H2AZ1: variants seen among roughly 807,000 people sequenced by gnomAD.
H2AZ1 encodes H2A.Z variant histone 1, also known as histone H2A.Z.
In H2AZ1, 3 loss-of-function variants were observed where a neutral mutation model predicts 16.6. The ratio of observed to expected loss-of-function variants is 0.18; its 90% CI spans 0.08 to 0.47. The LOEUF (loss-of-function observed/expected upper bound fraction) is 0.47. Ranked by LOEUF, H2AZ1 falls within the 20% of genes least tolerant of loss-of-function variation. The pLI is 0.98. For missense variants in H2AZ1, 27 were observed against 163.6 expected, an observed-to-expected ratio of 0.17 and a Z score of 4.55; for synonymous variants, 78 against 60.7, an observed-to-expected ratio of 1.28 and a Z score of -1.32.
chr4:99,949,416 T>G, intron 2 of H2AZ1, 30 bp from the exon 3 acceptor site: 1 of 1,361,134 alleles, frequency 7.3e-7, no homozygotes, highest in Non-Finnish European at 1.1e-6. Flanking sequence ...CAAACATAAA[T>G]GCACAAAAAT....
chr4:99,948,631 T>A, intron 4 of H2AZ1, 108 bp from the exon 5 acceptor site: 1 of 1,520,162 alleles, frequency 6.6e-7, no homozygotes. Flanking sequence ...TTTAAAAACA[T>A]GCAGCTCAAG....
In H2AZ1 at chr4:99,948,378, G is replaced by A; in HGVS notation, c.*84C>T. On this transcript the variant is annotated 3_prime_UTR_variant, in exon 5 of 5. Transcript: ENST00000296417. ...AAAAGGCAAAATTGTGTTTTTCACAGAGATACAGTCCACTGGAATCACCAA... is the reference window on the plus strand; with the variant it reads ...AAAAGGCAAAATTGTGTTTTTCACAAAGATACAGTCCACTGGAATCACCAA... 2 of 880,752 alleles carry A rather than the reference G, an allele frequency of 2.3e-6. No individual in the cohort carries two copies. Among genetic ancestry groups the A allele is most frequent in the Non-Finnish European group, 1.9e-6 (1 of 514,712 alleles). 54.6% of individuals were successfully genotyped at this position (880,752 alleles called of 1,614,324 possible). A position where few individuals can be genotyped will look rare whatever the true frequency, so the allele number is the denominator to read the frequency against.
In H2AZ1 at chr4:99,948,531, A is replaced by G; in HGVS notation, c.326-8T>C. Reference sequence around the variant, plus strand: ...GGATGTGTGGAATGACACCTAGGAGAGTGACAGGAATTAATTCTACTTAAG... The same window carrying G: ...GGATGTGTGGAATGACACCTAGGAGGGTGACAGGAATTAATTCTACTTAAG... On this transcript the variant is annotated splice_region_variant and splice_polypyrimidine_tract_variant and intron_variant, in intron 4 of 4. Coordinates refer to ENST00000296417, the MANE Select transcript of H2AZ1 (RefSeq NM_002106.4). 4.3e-6 allele frequency: 7 copies of G among 1,610,990 alleles called. No individual in the cohort carries two copies. The highest frequency in any genetic ancestry group is 5.9e-6 in the Non-Finnish European group (7 of 1,177,844).
rs575366571 is a variant in H2AZ1, at chr4:99,950,140, A to G, written c.3+28T>C. 17 of 1,607,534 alleles carry G rather than the reference A, an allele frequency of 1.1e-5. No individual in the cohort carries two copies. The African/African-American group carries it at 2.1e-4, about 20-fold the overall frequency. On this transcript the variant is annotated intron_variant, in intron 1 of 4. Transcript: ENST00000296417. ...TTCTCTCGCCGGCAAAAACCCGCGG[A>G]GTCATCGAGCGTCTCTGCGAAGTTT... is the stretch of plus-strand genomic sequence containing the variant.
intron 3 of H2AZ1, 120 bp downstream of exon 3, chr4:99,949,153 C>A: frequency 1.5e-6 from 1 of 672,080 alleles, no homozygotes; most frequent in Non-Finnish European, 2.6e-6. Flanking sequence ...CTCTAGCGTT[C>A]TCTTAGGCCT....
Position 99,950,259 on chromosome 4 carries a change from A to T in H2AZ1, c.-89T>A. On this transcript the variant is annotated 5_prime_UTR_variant, in exon 1 of 5. Transcript: ENST00000296417. The stretch of plus-strand genomic sequence containing the variant: ...ATCCCACCACCTACTCCTTCGTCGC[A>T]CCGCGATTCAAACTGCGCTGTCTCC... 1 of 1,265,530 alleles carries T rather than the reference A, an allele frequency of 7.9e-7. No individual in the cohort carries two copies. The highest frequency in any genetic ancestry group is 1.1e-6 in the Non-Finnish European group (1 of 880,704). 78.4% of individuals were successfully genotyped at this position (1,265,530 alleles called of 1,614,324 possible).
At chr4:99,950,101 TGTGTAACGG>T (rs1202132906) in intron 1 of H2AZ1, 58 bp downstream of exon 1, 2 of 1,541,404 alleles carry the variant, frequency 1.3e-6, no homozygotes, top group Non-Finnish European at 1.8e-6. Context: ...CCCATCCCTC[TGTGTAACGG>T]GTTTTTCTCT....
At chr4:99,948,702 T>TCC (rs1727199116) in intron 4 of H2AZ1, 109 bp downstream of exon 4, 1 of 1,472,154 alleles carries the variant, frequency 6.8e-7, no homozygotes, top group East Asian at 2.4e-5. Flanking sequence ...CAACCATACT[T>TCC]CCATCATTGA....
In H2AZ1 at chr4:99,950,139, GAGTCA is replaced by G. The variant is rs1431365148; in HGVS notation, c.3+24_3+28del. 18 of 1,607,474 alleles carry G rather than the reference GAGTCA, an allele frequency of 1.1e-5. No homozygotes were observed. The African/African-American group carries it at 2.0e-4, about 18-fold the overall frequency. On this transcript the variant is annotated intron_variant, in intron 1 of 4. Coordinates refer to ENST00000296417, the MANE Select transcript of H2AZ1 (RefSeq NM_002106.4). ...TTTCTCTCGCCGGCAAAAACCCGCG[GAGTCA>G]TCGAGCGTCTCTGCGAAGTTTACCA...
intron 1 of H2AZ1, 175 bp downstream of exon 1, chr4:99,949,993 C>T (rs536413402): frequency 8.3e-5 from 37 of 445,640 alleles, no homozygotes; most frequent in South Asian, 4.6e-4. Flanking sequence ...CGCCGCCCGC[C>T]GCGAGATCCG....
chr4:99,948,133 A>G lies in H2AZ1; in HGVS notation c.*329T>C. ...GAACTTATCCACCAGAGTGGAAATA[A>G]TGTCTGTACAAAACCAAATGTTTGT... On this transcript the variant is annotated 3_prime_UTR_variant, in exon 5 of 5. Transcript: ENST00000296417. 2.3e-6 allele frequency: 1 copy of G among 437,480 alleles called. No individual in the cohort carries two copies. Among genetic ancestry groups the G allele is most frequent in the South Asian group, 2.1e-5 (1 of 48,002 alleles). The allele number at this position is 437,480 out of a possible 1,614,324, so 27.1% of individuals were successfully genotyped here.
At chr4:99,949,507 T>A (rs1447933580) in intron 2 of H2AZ1, 121 bp from the exon 3 acceptor site, 1 of 975,180 alleles carries the variant, frequency 1.0e-6, no homozygotes, top group Non-Finnish European at 1.7e-6. Context: ...TCGAAACACG[T>A]GATTCCTCCC....
rs1727247370 is a variant in H2AZ1 at position 99,950,186 on chromosome 4, A to G, written c.-16T>C. On this transcript the variant is annotated 5_prime_UTR_variant, in exon 1 of 5. Coordinates refer to ENST00000296417, the MANE Select transcript of H2AZ1 (RefSeq NM_002106.4). ...AGTTTACCATTTCGAATTCCGCTGA[A>G]GCTCAAGCAAGCAAGGCAGAGAAAA... 1 of 1,608,024 alleles carries G rather than the reference A, an allele frequency of 6.2e-7. No individual in the cohort carries two copies. Among genetic ancestry groups the G allele is most frequent in the African/African-American group, 1.3e-5 (1 of 74,986 alleles).
In H2AZ1 at chr4:99,950,249, C is replaced by T. The variant is rs1335314560; in HGVS notation, c.-79G>A. ...CCACGGTGAGATCCCACCACCTACT[C>T]CTTCGTCGCACCGCGATTCAAACTG... On this transcript the variant is annotated 5_prime_UTR_variant, in exon 1 of 5. Coordinates refer to ENST00000296417, the MANE Select transcript of H2AZ1 (RefSeq NM_002106.4). 6 of 1,366,158 alleles carry T rather than the reference C, an allele frequency of 4.4e-6. No individual in the cohort carries two copies. The highest frequency in any genetic ancestry group is 2.3e-5 in the East Asian group (1 of 43,226). 84.6% of individuals were successfully genotyped at this position (1,366,158 alleles called of 1,614,324 possible). A position where few individuals can be genotyped will look rare whatever the true frequency, so the allele number is the denominator to read the frequency against.
At position 99,950,228 on chromosome 4, in the gene H2AZ1, G is replaced by C; in HGVS notation, c.-58C>G. On this transcript the variant is annotated 5_prime_UTR_variant, in exon 1 of 5. Coordinates refer to ENST00000296417, the MANE Select transcript of H2AZ1 (RefSeq NM_002106.4). ...CAGAGAAAAGGCTAATCGGACCCAC[G>C]GTGAGATCCCACCACCTACTCCTTC... The C allele has an allele frequency of 6.4e-7, 1 of 1,562,780 alleles. No homozygotes were observed. The highest frequency in any genetic ancestry group is 8.8e-7 in the Non-Finnish European group (1 of 1,141,138).
intron 4 of H2AZ1, 110 bp from the exon 5 acceptor site, chr4:99,948,633 C>T: frequency 6.6e-7 from 1 of 1,513,454 alleles, no homozygotes; most frequent in Non-Finnish European, 8.9e-7. Context: ...TAAAAACATG[C>T]AGCTCAAGTA....
At chr4:99,948,584 A>G in intron 4 of H2AZ1, 61 bp from the exon 5 acceptor site, 1 of 1,598,952 alleles carries the variant, frequency 6.3e-7, no homozygotes, top group Non-Finnish European at 8.5e-7. Flanking sequence ...AGTATTTGAA[A>G]CCAAGAAAGT....
Position 99,949,531 on chromosome 4 carries a change from G to T in H2AZ1, c.81+132C>A, listed in dbSNP as rs764058769. On this transcript the variant is annotated intron_variant, in intron 2 of 4. Transcript: ENST00000296417. ...GTGATTCCTCCCCCCCATATTTATC[G>T]TATGGGCAGCCCAAGTCGCGACACC... 7 of 1,018,534 alleles carry T rather than the reference G, an allele frequency of 6.9e-6. No individual in the cohort carries two copies. The African/African-American group carries it at 7.9e-5, about 11-fold the overall frequency. 63.1% of individuals were successfully genotyped at this position (1,018,534 alleles called of 1,614,324 possible). A position where few individuals can be genotyped will look rare whatever the true frequency, so the allele number is the denominator to read the frequency against.
intron 3 of H2AZ1, 80 bp downstream of exon 3, chr4:99,949,193 T>C (rs1727210383): frequency 1.1e-5 from 9 of 839,764 alleles, no homozygotes; most frequent in Middle Eastern, 2.5e-4. Context: ...GGGAGTTTTC[T>C]TGCATCACTT....
Sources: gnomAD v4.1 joint callset for allele counts on GRCh38, gnomAD v4.1.1 for gene constraint, MANE v1.5 for transcripts, NCBI Gene and HGNC (gene_info 2026-07-23, HGNC 2026-07-21) for gene names.